The following FRMD4B variants were observed in gnomAD, a reference collection of about 807,000 sequenced individuals.
The protein encoded by FRMD4B is FERM domain containing 4B, also known as FERM domain-containing protein 4B.
A neutral mutation model predicts 141.5 loss-of-function variants in FRMD4B; 74 were observed. The observed-to-expected ratio is 0.52, with a 90% CI of 0.43 to 0.63. The LOEUF is 0.63. Ranked by LOEUF, FRMD4B falls within the 30% of genes least tolerant of loss-of-function variation. The probability of loss-of-function intolerance (pLI) is 0.00; values close to 1 mark genes in which losing one functional copy is unlikely to be tolerated. For synonymous variants in FRMD4B, 506 were observed against 467.9 expected, an observed-to-expected ratio of 1.08 and a Z score of -1.05; for missense variants, 1,366 against 1,253.4, an observed-to-expected ratio of 1.09 and a Z score of -1.36.
intron 1 of FRMD4B, among the ~76,000 whole-genome samples, chr3:69,379,942 C>G (rs114607719): frequency 0.02 from 3,074 of 152,332 alleles, 115 homozygotes; most frequent in African/African-American, 0.07. Flanking sequence ...GACTCCCTTT[C>G]TAGTCCAACT....
chr3:69,267,628 TATATATATAGAGAGAGAGAGAGAGAGAG>T (rs1559765439), intron 5 of FRMD4B, among the ~76,000 whole-genome samples: 30 of 11,922 alleles, frequency 2.5e-3, no homozygotes, highest in South Asian at 6.6e-3. Context: ...TATATATATA[TATATATATAGAGAGAGAGAGAGAGAGAG>T]AGAGAGAGAG....
chr3:69,353,826 TA>T (rs1208201022), intron 1 of FRMD4B: 7 of 382,126 alleles, frequency 1.8e-5, no homozygotes, highest in Non-Finnish European at 2.2e-5. Flanking sequence ...AATGGGAAAA[TA>T]AAAACAACTA....
intron 1 of FRMD4B, among the ~76,000 whole-genome samples, chr3:69,344,911 G>A (rs9832654): frequency 0.5 from 76,178 of 151,838 alleles, 19,445 homozygotes; most frequent in Admixed American, 0.54. Flanking sequence ...CAGCTTGAGC[G>A]ATGCAGAAGA....
chr3:69,193,561 C>T (rs761665936), intron 17 of FRMD4B, 87 bp downstream of exon 17: 31 of 706,566 alleles, frequency 4.4e-5, no homozygotes, highest in Middle Eastern at 4.9e-4. Flanking sequence ...TTTGATCTCT[C>T]ATCAACTGGT....
chr3:69,483,471 C>G (rs1015255848), intron 1 of FRMD4B, among the ~76,000 whole-genome samples: 3 of 152,098 alleles, frequency 2.0e-5, no homozygotes, highest in African/African-American at 7.2e-5. Flanking sequence ...ATTTTGGAGT[C>G]TGTGATAGAA....
intron 1 of FRMD4B, among the ~76,000 whole-genome samples, chr3:69,509,048 T>A (rs535546894): frequency 3.3e-5 from 5 of 152,346 alleles, no homozygotes; most frequent in African/African-American, 1.2e-4. Context: ...GTTTTGTCTC[T>A]GCTCCCATCT....
At chr3:69,245,834 G>GTTTTTTTTT (rs1183774603) in intron 7 of FRMD4B, among the ~76,000 whole-genome samples, 10 of 78,342 alleles carry the variant, frequency 1.3e-4, no homozygotes, top group Non-Finnish European at 1.7e-4. Flanking sequence ...AGGCTAATTT[G>GTTTTTTTTT]TTTTTTTTTT....
At chr3:69,316,475 G>T (rs1383133995) in intron 1 of FRMD4B, among the ~76,000 whole-genome samples, 2 of 149,740 alleles carry the variant, frequency 1.3e-5, no homozygotes, top group Admixed American at 1.3e-4. Context: ...AAACAGCCAA[G>T]TCAAGATTTG....
At position 69,488,712 on chromosome 3, in the gene FRMD4B, C is replaced by T. The variant is rs994946048; in HGVS notation, c.-129+53494G>A. Among the ~76,000 whole-genome samples the T allele has an allele frequency of 6.6e-5, 10 of 151,524 alleles. No individual in the cohort carries two copies. The South Asian group carries it at 1.9e-3, about 29-fold the overall frequency. Reference sequence around the variant, plus strand: ...GGTCAGGAGTTCGAGACCAGCCTGGCCAAAGCAGTGAAACCCCATCTCCAC... The same window carrying T: ...GGTCAGGAGTTCGAGACCAGCCTGGTCAAAGCAGTGAAACCCCATCTCCAC... On this transcript the variant is annotated intron_variant, in intron 1 of 5. Coordinates refer to the FRMD4B transcript ENST00000459638.
intron 1 of FRMD4B, among the ~76,000 whole-genome samples, chr3:69,370,969 A>T (rs1407152260): frequency 6.6e-6 from 1 of 152,244 alleles, no homozygotes; most frequent in Admixed American, 6.5e-5. Context: ...GGATTCTAAC[A>T]GTGAAGTCCC....
intron 1 of FRMD4B, among the ~76,000 whole-genome samples, chr3:69,355,749 G>A (rs530467594): frequency 6.6e-6 from 1 of 152,144 alleles, no homozygotes; most frequent in Non-Finnish European, 1.5e-5. Flanking sequence ...AGGAGGCCGG[G>A]CACAGTGTCT....
rs2092701054 is a variant in FRMD4B at position 69,180,985 on chromosome 3, G to A, written c.2765C>T (p.Ser922Leu). ...QGHSPQTSFD[S>L]DRGSQRCLGF... ...CAGGCATCTCTGTGATCCCCTGTCT[G>A]AGTCAAAGCTGGTCTGCGGGCTGTG... Residue 922 changes from serine (S) to leucine (L), a missense_variant, in exon 21 of 23, where the codon TCA becomes TTA. Coordinates refer to ENST00000398540, the MANE Select transcript of FRMD4B (RefSeq NM_015123.3). The A allele has an allele frequency of 6.2e-6, 10 of 1,614,022 alleles. No individual in the cohort carries two copies. Among genetic ancestry groups the A allele is most frequent in the Non-Finnish European group, 7.6e-6 (9 of 1,179,878 alleles).
chr3:69,424,159 T>C (rs1705033571), intron 2 of FRMD4B, among the ~76,000 whole-genome samples: 1 of 152,254 alleles, frequency 6.6e-6, no homozygotes, highest in South Asian at 2.1e-4. Context: ...ATGTACTGAC[T>C]GGCTGATGAG....
intron 1 of FRMD4B, among the ~76,000 whole-genome samples, chr3:69,442,953 T>C (rs1031328454): frequency 1.3e-5 from 2 of 152,228 alleles, no homozygotes; most frequent in Admixed American, 6.5e-5. Flanking sequence ...AAAGAGCTTC[T>C]GAAATTCTTG....
At chr3:69,384,157 T>C (rs893781680) in intron 1 of FRMD4B, among the ~76,000 whole-genome samples, 1 of 152,126 alleles carries the variant, frequency 6.6e-6, no homozygotes, top group Non-Finnish European at 1.5e-5. Flanking sequence ...TCAGTCACCA[T>C]CCATTTTAGA....
At chr3:69,280,659 T>G (rs530010554) in intron 5 of FRMD4B, among the ~76,000 whole-genome samples, 1 of 152,270 alleles carries the variant, frequency 6.6e-6, no homozygotes, top group African/African-American at 2.4e-5. Flanking sequence ...CCACCACACT[T>G]GCTGCCTGTC....
chr3:69,465,995 T>C (rs887768468), intron 1 of FRMD4B, among the ~76,000 whole-genome samples: 7 of 152,230 alleles, frequency 4.6e-5, no homozygotes, highest in African/African-American at 1.4e-4. Context: ...TTGAACTAAT[T>C]TGCATTCCCA....
chr3:69,202,586 T>C (rs760555275), intron 11 of FRMD4B, among the ~76,000 whole-genome samples: 7 of 152,104 alleles, frequency 4.6e-5, no homozygotes, highest in Admixed American at 1.3e-4. Context: ...ATAATAATCA[T>C]TAATGAGTAT....
chr3:69,259,901 T>C (rs1015339293), intron 5 of FRMD4B, among the ~76,000 whole-genome samples: 2 of 152,186 alleles, frequency 1.3e-5, no homozygotes, highest in African/African-American at 4.8e-5. Flanking sequence ...AAGAGATCCT[T>C]TGGCCACAGC....
Sources: gnomAD v4.1 joint callset for allele counts (sites outside exome capture counted in the v4.1 genomes callset) on GRCh38, gnomAD v4.1.1 for gene constraint, MANE v1.5 for transcripts, NCBI Gene and HGNC (gene_info 2026-07-23, HGNC 2026-07-21) for gene names.